AXIN1: variants seen among roughly 807,000 people sequenced by gnomAD.
The protein encoded by AXIN1 is axin-1.
Under a neutral mutation model 76.4 loss-of-function variants are expected in AXIN1, and 30 were observed. The observed-to-expected ratio is 0.39, with a 90% CI of 0.29 to 0.53. AXIN1 has a LOEUF of 0.53. Among genes scored for constraint, AXIN1 ranks in the 20% least tolerant of loss-of-function variants. The pLI is 0.66. For synonymous variants in AXIN1, 545 were observed against 501.4 expected (o/e 1.09, Z -1.16); for missense variants, 1,140 against 1,198.8 (o/e 0.95, Z 0.72).
At chr16:332,393 C>T (rs568975726) in intron 2 of AXIN1, among the ~76,000 whole-genome samples, 36 of 151,784 alleles carry the variant, frequency 2.4e-4, no homozygotes, top group East Asian at 7.8e-4. Flanking sequence ...CTGGCTAACA[C>T]AGTGAAACCC....
chr16:349,736 G>A (rs549487527), intron 1 of AXIN1, among the ~76,000 whole-genome samples: 3 of 152,140 alleles, frequency 2.0e-5, no homozygotes, highest in Non-Finnish European at 4.4e-5. Context: ...TCTCTACAGG[G>A]GCTGAACTAC....
intron 2 of AXIN1, among the ~76,000 whole-genome samples, chr16:340,378 G>C (rs1441915979): frequency 6.6e-6 from 1 of 152,242 alleles, no homozygotes; most frequent in Non-Finnish European, 1.5e-5. Flanking sequence ...CCTGTCCCCA[G>C]TCATCAAGGA....
intron 1 of AXIN1, among the ~76,000 whole-genome samples, chr16:351,914 G>C (rs1215860742): frequency 6.6e-6 from 1 of 152,120 alleles, no homozygotes; most frequent in Admixed American, 6.5e-5. Flanking sequence ...TAGAATCTAA[G>C]AACCACACCC....
intron 9 of AXIN1, chr16:290,960 C>T: frequency 3.4e-6 from 2 of 592,632 alleles, no homozygotes; most frequent in South Asian, 3.8e-5. Flanking sequence ...CCAGCCGGGC[C>T]TTTTGGTCAC....
At chr16:300,824 G>A (rs1410465514) in intron 5 of AXIN1, among the ~76,000 whole-genome samples, 1 of 152,208 alleles carries the variant, frequency 6.6e-6, no homozygotes, top group Non-Finnish European at 1.5e-5. Context: ...GACTAAAAGT[G>A]TTTGGAGTTT....
At chr16:334,611 T>C (rs2053765993) in intron 2 of AXIN1, among the ~76,000 whole-genome samples, 1 of 149,486 alleles carries the variant, frequency 6.7e-6, no homozygotes, top group South Asian at 2.1e-4. Context: ...GGCACACTGA[T>C]AACACAGCAC....
chr16:302,359 G>T (rs2052895785), intron 5 of AXIN1, among the ~76,000 whole-genome samples: 1 of 152,256 alleles, frequency 6.6e-6, no homozygotes, highest in Non-Finnish European at 1.5e-5. Flanking sequence ...CAGACCAACG[G>T]CCAGGGGAGA....
At chr16:320,907 T>C (rs2053437988) in intron 2 of AXIN1, among the ~76,000 whole-genome samples, 1 of 151,668 alleles carries the variant, frequency 6.6e-6, no homozygotes, top group Non-Finnish European at 1.5e-5. Flanking sequence ...GCCCGGCTAA[T>C]TTTTGTATTT....
intron 2 of AXIN1, among the ~76,000 whole-genome samples, chr16:345,788 T>G (rs1022958145): frequency 3.9e-4 from 60 of 152,078 alleles, no homozygotes; most frequent in Non-Finnish European, 8.2e-4. Context: ...CTCCCTTTAT[T>G]AAGCGGAAAG....
intron 2 of AXIN1, among the ~76,000 whole-genome samples, chr16:342,989 G>A (rs1020638407): frequency 6.6e-6 from 1 of 152,188 alleles, no homozygotes; most frequent in Non-Finnish European, 1.5e-5. Context: ...TGTGAGGAAC[G>A]CAGCCTGGAC....
Position 287,950 on chromosome 16 carries a change from G to T in AXIN1, c.*172C>A. On this transcript the variant is annotated 3_prime_UTR_variant, in exon 11 of 11. Transcript: ENST00000262320. ...CTTGGGGGCAGGACAGAAGCTTGTG[G>T]ACCACTTGGAGGGACCCCCTACCTG... 1.9e-6 allele frequency: 2 copies of T among 1,073,858 alleles called. No homozygotes were observed. The highest frequency in any genetic ancestry group is 2.8e-6 in the Non-Finnish European group (2 of 715,970). The allele number at this position is 1,073,858 out of a possible 1,614,324, so 66.5% of individuals were successfully genotyped here.
At chr16:344,379 G>A (rs905518992) in intron 2 of AXIN1, among the ~76,000 whole-genome samples, 13 of 144,896 alleles carry the variant, frequency 9.0e-5, no homozygotes, top group East Asian at 4.1e-4. Context: ...GCAGTGAGCC[G>A]AGATGGCGCC....
chr16:343,242 C>T (rs1385860537), intron 2 of AXIN1, among the ~76,000 whole-genome samples: 2 of 152,214 alleles, frequency 1.3e-5, no homozygotes, highest in Non-Finnish European at 2.9e-5. Flanking sequence ...AGCAAAGGTT[C>T]CTTATTACAA....
At chr16:312,386 T>C (rs1480322623) in intron 3 of AXIN1, among the ~76,000 whole-genome samples, 2 of 152,234 alleles carry the variant, frequency 1.3e-5, no homozygotes, top group Non-Finnish European at 2.9e-5. Flanking sequence ...AATACCTATT[T>C]ATTTTAGGTC....
At chr16:302,710 A>G (rs894943067) in intron 5 of AXIN1, among the ~76,000 whole-genome samples, 1 of 152,114 alleles carries the variant, frequency 6.6e-6, no homozygotes, top group Non-Finnish European at 1.5e-5. Context: ...GTCTGAGGAG[A>G]GCTGAAGGTC....
At chr16:335,727 G>C (rs1017443357) in intron 2 of AXIN1, among the ~76,000 whole-genome samples, 3 of 152,264 alleles carry the variant, frequency 2.0e-5, no homozygotes, top group African/African-American at 7.2e-5. Context: ...AAGAGTAACT[G>C]TTTCAACCAG....
At chr16:341,764 C>T (rs886115853) in intron 2 of AXIN1, among the ~76,000 whole-genome samples, 4 of 152,220 alleles carry the variant, frequency 2.6e-5, no homozygotes, top group Non-Finnish European at 4.4e-5. Context: ...GTAAATACAC[C>T]AATCGGCACT....
At chr16:332,880 T>C (rs2141660761) in intron 2 of AXIN1, among the ~76,000 whole-genome samples, 1 of 152,208 alleles carries the variant, frequency 6.6e-6, no homozygotes, top group Admixed American at 6.5e-5. Flanking sequence ...GAAGGAATTA[T>C]CAAAGAAATA....
chr16:327,523 G>A (rs2053609261), intron 2 of AXIN1, among the ~76,000 whole-genome samples: 1 of 152,288 alleles, frequency 6.6e-6, no homozygotes, highest in East Asian at 1.9e-4. Flanking sequence ...ACTGTGAACC[G>A]CACAACACAC....
Sources: gnomAD v4.1 joint callset for allele counts (sites outside exome capture counted in the v4.1 genomes callset) on GRCh38, gnomAD v4.1.1 for gene constraint, MANE v1.5 for transcripts, NCBI Gene and HGNC (gene_info 2026-07-23, HGNC 2026-07-21) for gene names.